Variants in TECPR2 observed in about 807,000 individuals in gnomAD.
The protein encoded by TECPR2 is tectonin beta-propeller repeat-containing protein 2.
A neutral mutation model predicts 138.1 loss-of-function variants in TECPR2; 65 were observed. The observed-to-expected ratio is 0.47, with a 90% confidence interval of 0.39 to 0.58. The LOEUF is 0.58. Among genes scored for constraint, TECPR2 ranks in the 20% least tolerant of loss-of-function variants. The probability of loss-of-function intolerance (pLI) is 0.00; values close to 1 mark genes in which losing one functional copy is unlikely to be tolerated. For missense variants in TECPR2, 1,553 were observed against 1,824.5 expected (o/e 0.85, Z 2.71); for synonymous variants, 746 against 749.8 (o/e 0.99, Z 0.08).
At chr14:102,395,551 A>G (rs1888292569) in intron 2 of TECPR2, among the ~76,000 whole-genome samples, 2 of 152,192 alleles carry the variant, frequency 1.3e-5, no homozygotes. Flanking sequence ...TGTAATCCCA[A>G]CACTTTGGAA....
In TECPR2 at chr14:102,443,877, G is replaced by A. The variant is rs745835175; in HGVS notation, c.2933+50G>A. On this transcript the variant is annotated intron_variant, in intron 12 of 19. Transcript: ENST00000359520. This position sits in a 1 kb window ranked among gnomAD's most constrained non-coding sequence, Gnocchi z 4.9. ...TCACATCGTGCTTGTCCTACCCTTC[G>A]TTCTTGTCCACTTGACACCACAAGG... 1.1e-5 allele frequency: 16 copies of A among 1,444,162 alleles called. No individual in the cohort carries two copies. Among genetic ancestry groups the A allele is most frequent in the Admixed American group, 1.1e-4 (5 of 46,386 alleles). The allele number at this position is 1,444,162 out of a possible 1,614,324, so 89.5% of individuals were successfully genotyped here.
rs189534754 is a variant in TECPR2 at position 102,420,869 on chromosome 14, C to T, written c.639-4110C>T. ...AGTCCACCTGGTGTTCAGGACCTCG[C>T]CTTCTCATGCCCACTCAGATGCACC... is the stretch of plus-strand genomic sequence containing the variant. On this transcript the variant is annotated intron_variant, in intron 5 of 19. Coordinates refer to ENST00000359520, the MANE Select transcript of TECPR2 (RefSeq NM_014844.5). The surrounding 1 kb of genome is among the most constrained non-coding windows in gnomAD (Gnocchi z 4.1). Among the ~76,000 whole-genome samples, 333 of 152,290 alleles carry T rather than the reference C, an allele frequency of 2.2e-3. 3 individuals are homozygous for T. Among genetic ancestry groups the T allele is most frequent in the African/African-American group, 7.6e-3 (316 of 41,568 alleles).
chr14:102,366,945 T>A (rs1887360317), intron 1 of TECPR2, among the ~76,000 whole-genome samples: 1 of 152,176 alleles, frequency 6.6e-6, no homozygotes, highest in Non-Finnish European at 1.5e-5. Flanking sequence ...GGTGGTGATA[T>A]TTAAGCTGAG....
At chr14:102,402,755 T>A (rs1225826283) in intron 2 of TECPR2, among the ~76,000 whole-genome samples, 2 of 152,146 alleles carry the variant, frequency 1.3e-5, no homozygotes, top group Non-Finnish European at 2.9e-5. Context: ...GACAGGATGG[T>A]GATCTGTTGA....
chr14:102,454,702 G>T (rs911153127), intron 16 of TECPR2, among the ~76,000 whole-genome samples: 11 of 152,204 alleles, frequency 7.2e-5, no homozygotes, highest in Admixed American at 1.3e-4. Context: ...GGAAAATGCC[G>T]CTAGTTCCCT....
chr14:102,407,314 C>G (rs1888684657), intron 2 of TECPR2, 24 bp from the exon 3 acceptor site: 2 of 1,576,254 alleles, frequency 1.3e-6, no homozygotes, highest in East Asian at 2.3e-5. Flanking sequence ...GTTACAGATT[C>G]ATTTGTTTTC....
At chr14:102,454,936 C>T (rs1322463592) in intron 16 of TECPR2, among the ~76,000 whole-genome samples, 2 of 152,244 alleles carry the variant, frequency 1.3e-5, no homozygotes, top group African/African-American at 2.4e-5. Context: ...CCTGCCTGGG[C>T]CTCCTGCCTC....
chr14:102,379,255 T>G (rs1220774619), intron 2 of TECPR2, among the ~76,000 whole-genome samples: 2 of 151,564 alleles, frequency 1.3e-5, no homozygotes, highest in African/African-American at 2.4e-5. Context: ...AATCTTAAAA[T>G]CCATGCACAG....
chr14:102,483,649 G>T (rs1229247467), intron 17 of TECPR2, among the ~76,000 whole-genome samples: 3 of 151,780 alleles, frequency 2.0e-5, no homozygotes, highest in South Asian at 2.1e-4. Context: ...TCACTATATT[G>T]CCCAGGCTGC....
Position 102,420,391 on chromosome 14 carries a change from G to A in TECPR2, c.639-4588G>A, listed in dbSNP as rs1889147894. 6.6e-6 allele frequency among the ~76,000 whole-genome samples: 1 copy of A among 152,178 alleles called. No individual in the cohort carries two copies. The highest frequency in any genetic ancestry group is 1.5e-5 in the Non-Finnish European group (1 of 68,038). ...TGCAAGTGGATGGTGGCTGAGTCGG[G>A]GGCTTAGGACAATTTGTACCTGGCT... On this transcript the variant is annotated intron_variant, in intron 5 of 19. Transcript: ENST00000359520. The surrounding 1 kb of genome is among the most constrained non-coding windows in gnomAD (Gnocchi z 4.1).
chr14:102,417,291 T>C (rs79658242), intron 5 of TECPR2, among the ~76,000 whole-genome samples: 5,734 of 152,342 alleles, frequency 0.038, 123 homozygotes, highest in Middle Eastern at 0.092. Flanking sequence ...ATTGTGTGCG[T>C]CTATCCCTGG....
At chr14:102,467,410 C>T (rs905708067) in intron 17 of TECPR2, among the ~76,000 whole-genome samples, 1 of 151,090 alleles carries the variant, frequency 6.6e-6, no homozygotes, top group Admixed American at 6.6e-5. Context: ...CTACAACCTC[C>T]GCCTACCGGG....
chr14:102,485,801 G>A (rs1400809715), intron 17 of TECPR2, among the ~76,000 whole-genome samples: 2 of 152,184 alleles, frequency 1.3e-5, no homozygotes, highest in East Asian at 3.8e-4. Context: ...GCTTCCCCGA[G>A]CCTGTCTGTA....
At position 102,465,166 on chromosome 14, in the gene TECPR2, A is replaced by C; in HGVS notation, c.3666A>C (p.Ala1222=). 1.2e-6 allele frequency: 2 copies of C among 1,614,244 alleles called. No individual in the cohort carries two copies. The highest frequency in any genetic ancestry group is 2.2e-5 in the South Asian group (2 of 91,090). The change falls in exon 17 of 20, where the codon GCA becomes GCC. Residue 1222 remains alanine, a synonymous_variant. Coordinates refer to ENST00000359520, the MANE Select transcript of TECPR2 (RefSeq NM_014844.5). ...QLGAVKLTSL[A]CGNQHIWACD... is the part of the protein sequence containing the mutation. The stretch of plus-strand genomic sequence containing the variant: ...GAGCTGTAAAATTGACAAGCTTGGC[A>C]TGTGGAAATCAGCACATCTGGGCCT...
chr14:102,395,109 T>C (rs563678305), intron 2 of TECPR2, among the ~76,000 whole-genome samples: 5 of 152,288 alleles, frequency 3.3e-5, no homozygotes, highest in African/African-American at 1.2e-4. Flanking sequence ...TAGATATATT[T>C]ATAGTCCATG....
At chr14:102,437,913 G>A (rs137956850) in intron 9 of TECPR2, 109 bp from the exon 10 acceptor site, 10 of 1,323,106 alleles carry the variant, frequency 7.6e-6, no homozygotes, top group African/African-American at 7.4e-5. Context: ...TTGCTGACCC[G>A]TTTTACCGTC....
At chr14:102,486,844 A>G (rs1208555622) in intron 17 of TECPR2, among the ~76,000 whole-genome samples, 1 of 152,230 alleles carries the variant, frequency 6.6e-6, no homozygotes, top group Non-Finnish European at 1.5e-5. Context: ...TAACATGGGT[A>G]TCGGGTTTTT....
At chr14:102,365,804 C>T (rs1284576895) in intron 1 of TECPR2, among the ~76,000 whole-genome samples, 1 of 152,080 alleles carries the variant, frequency 6.6e-6, no homozygotes, top group Non-Finnish European at 1.5e-5. Context: ...TAGATATAGA[C>T]TGTTTTGTCA....
Position 102,424,978 on chromosome 14 carries a change from G to A in TECPR2, c.639-1G>A. 6.2e-7 allele frequency: 1 copy of A among 1,601,762 alleles called. No individual in the cohort carries two copies. Among genetic ancestry groups the A allele is most frequent in the Non-Finnish European group, 8.5e-7 (1 of 1,172,692 alleles). ...TCTTTCTTTCTTTCTTCTAATTTTAGTACTGGGAAATTTGGTGCTTGTTTT... is the reference window on the plus strand; with the variant it reads ...TCTTTCTTTCTTTCTTCTAATTTTAATACTGGGAAATTTGGTGCTTGTTTT... On this transcript the variant is annotated splice_acceptor_variant, in intron 5 of 19. Transcript: ENST00000359520. LOFTEE classifies it high-confidence loss of function.
Sources: allele counts gnomAD v4.1 joint callset (sites outside exome capture counted in the v4.1 genomes callset), GRCh38; gene constraint gnomAD v4.1.1; non-coding constraint Gnocchi (gnomAD v3.1); transcripts MANE v1.5; gene names NCBI Gene and HGNC (gene_info 2026-07-23, HGNC 2026-07-21).